Variants in PCDH9 observed in about 807,000 individuals in gnomAD.
PCDH9 encodes protocadherin 9.
Under a neutral mutation model 70.6 loss-of-function variants are expected in PCDH9, and 24 were observed. The ratio of observed to expected loss-of-function variants is 0.34; its 90% CI spans 0.25 to 0.48. The LOEUF (loss-of-function observed/expected upper bound fraction) is 0.48, where lower values mean the gene tolerates loss of function less well. PCDH9 is among the 20% of genes least tolerant of loss of function. The pLI, the probability that PCDH9 is intolerant of heterozygous loss-of-function variation, is 0.99. For synonymous variants in PCDH9, 562 were observed against 558.5 expected, an observed-to-expected ratio of 1.01 and a Z score of -0.09; for missense variants, 1,281 against 1,503.6, an observed-to-expected ratio of 0.85 and a Z score of 2.45.
intron 3 of PCDH9, among the ~76,000 whole-genome samples, chr13:66,737,334 G>A (rs2079167075): frequency 6.6e-6 from 1 of 152,156 alleles, no homozygotes; most frequent in Non-Finnish European, 1.5e-5. Context: ...CTTAGCAATA[G>A]ACCACTGGTT....
intron 4 of PCDH9, among the ~76,000 whole-genome samples, chr13:66,626,050 C>T (rs1372546990): frequency 6.6e-6 from 1 of 151,978 alleles, no homozygotes; most frequent in African/African-American, 2.4e-5. Context: ...CAAAGTTGTA[C>T]AGCTATCATG....
chr13:67,083,950 C>T (rs770648721), intron 2 of PCDH9, among the ~76,000 whole-genome samples: 4 of 152,132 alleles, frequency 2.6e-5, no homozygotes, highest in Non-Finnish European at 5.9e-5. Context: ...ACCATTTACC[C>T]CACTAGTTTC....
chr13:66,552,838 A>C (rs2138684320), intron 4 of PCDH9, among the ~76,000 whole-genome samples: 1 of 152,260 alleles, frequency 6.6e-6, no homozygotes, highest in East Asian at 1.9e-4. Context: ...TTTATAAAGG[A>C]AAGAGGTTTA....
chr13:66,461,410 G>A (rs949692439), intron 4 of PCDH9, among the ~76,000 whole-genome samples: 1 of 151,310 alleles, frequency 6.6e-6, no homozygotes, highest in African/African-American at 2.4e-5. Flanking sequence ...GTTGAATGCA[G>A]ATAAGTGATT....
intron 2 of PCDH9, among the ~76,000 whole-genome samples, chr13:67,048,620 G>T (rs1039861488): frequency 5.3e-5 from 8 of 152,158 alleles, no homozygotes; most frequent in Non-Finnish European, 1.0e-4. Flanking sequence ...TAAATGTGTG[G>T]GTGGGGAATA....
At chr13:66,386,817 A>G (rs1368533358) in intron 4 of PCDH9, among the ~76,000 whole-genome samples, 1 of 152,154 alleles carries the variant, frequency 6.6e-6, no homozygotes, top group Non-Finnish European at 1.5e-5. Flanking sequence ...CAGAGAACTA[A>G]AAAATAGGCC....
intron 3 of PCDH9, among the ~76,000 whole-genome samples, chr13:66,822,844 A>G (rs1299485828): frequency 6.6e-6 from 1 of 151,308 alleles, no homozygotes; most frequent in Non-Finnish European, 1.5e-5. Flanking sequence ...ATATACTTAC[A>G]CTCTTATTAT....
At chr13:67,031,557 C>T (rs528973831) in intron 2 of PCDH9, among the ~76,000 whole-genome samples, 210 of 152,216 alleles carry the variant, frequency 1.4e-3, no homozygotes, top group African/African-American at 4.5e-3. Context: ...GTGGCACACA[C>T]CTGTATTCCC....
At chr13:66,648,175 T>A (rs905991373) in intron 3 of PCDH9, among the ~76,000 whole-genome samples, 1 of 152,238 alleles carries the variant, frequency 6.6e-6, no homozygotes, top group Non-Finnish European at 1.5e-5. Flanking sequence ...CTTTGCCACC[T>A]GCTGACTGTA....
intron 4 of PCDH9, among the ~76,000 whole-genome samples, chr13:66,321,410 T>C (rs1955750677): frequency 6.6e-6 from 1 of 152,032 alleles, no homozygotes; most frequent in Non-Finnish European, 1.5e-5. Context: ...TTTTTAAAGA[T>C]GGAATCCAGG....
chr13:66,522,368 A>T (rs1339693905), intron 4 of PCDH9, among the ~76,000 whole-genome samples: 1 of 152,088 alleles, frequency 6.6e-6, no homozygotes, highest in Non-Finnish European at 1.5e-5. Flanking sequence ...ATTTGACCAA[A>T]ATTTCAAGTT....
intron 2 of PCDH9, chr13:67,222,493 T>C (rs1208723998): frequency 6.6e-6 from 1 of 152,116 alleles, no homozygotes; most frequent in Admixed American, 6.6e-5. Flanking sequence ...AATATAGGAA[T>C]TGATGTACCA....
At chr13:66,785,391 T>G (rs2080063318) in intron 3 of PCDH9, among the ~76,000 whole-genome samples, 1 of 152,088 alleles carries the variant, frequency 6.6e-6, no homozygotes, top group Admixed American at 6.6e-5. Flanking sequence ...TATTTTACAG[T>G]ACTCTTCATC....
intron 4 of PCDH9, among the ~76,000 whole-genome samples, chr13:66,528,882 ATG>A (rs919811438): frequency 1.3e-5 from 2 of 152,074 alleles, no homozygotes; most frequent in African/African-American, 4.8e-5. Flanking sequence ...GTAAGAATGA[ATG>A]TGTTTTTTAA....
chr13:67,187,024 G>C (rs768277220), intron 2 of PCDH9, among the ~76,000 whole-genome samples: 1 of 152,070 alleles, frequency 6.6e-6, no homozygotes, highest in Non-Finnish European at 1.5e-5. Context: ...TTATGTGGAC[G>C]CAAACAATTT....
At chr13:67,097,078 T>A (rs1414079985) in intron 2 of PCDH9, among the ~76,000 whole-genome samples, 5 of 137,614 alleles carry the variant, frequency 3.6e-5, no homozygotes, top group Non-Finnish European at 7.8e-5. Flanking sequence ...AAACCCTATC[T>A]CTACAGAAAA....
intron 3 of PCDH9, among the ~76,000 whole-genome samples, chr13:66,682,408 ATCT>A (rs1472324479): frequency 2.7e-5 from 4 of 150,324 alleles, no homozygotes; most frequent in Admixed American, 1.3e-4. Context: ...ATCATCTATC[ATCT>A]TCTTCTTTTT....
intron 4 of PCDH9, 90 bp from the exon 5 acceptor site, chr13:66,305,118 A>T (rs1955442053): frequency 1.7e-6 from 2 of 1,147,642 alleles, no homozygotes; most frequent in African/African-American, 1.6e-5. Context: ...GTTATTAGTG[A>T]TCTTATTTTT....
chr13:66,945,210 A>T (rs1292448758), intron 2 of PCDH9, among the ~76,000 whole-genome samples: 1 of 151,878 alleles, frequency 6.6e-6, no homozygotes, highest in Non-Finnish European at 1.5e-5. Flanking sequence ...CTAAAAAGGC[A>T]ACATTTATTC....
Sources: allele counts gnomAD v4.1 joint callset (sites outside exome capture counted in the v4.1 genomes callset), GRCh38; gene constraint gnomAD v4.1.1; transcripts MANE v1.5; gene names NCBI Gene and HGNC (gene_info 2026-07-23, HGNC 2026-07-21).